CEP112: variants seen among roughly 807,000 people sequenced by gnomAD.
The protein encoded by CEP112 is centrosomal protein of 112 kDa.
Under a neutral mutation model 153.0 loss-of-function variants are expected in CEP112, and 127 were observed. That is an observed-to-expected ratio of 0.83 (90% CI 0.72 to 0.96). The LOEUF (loss-of-function observed/expected upper bound fraction) is 0.96. Among genes scored for constraint, CEP112 ranks in the 40% least tolerant of loss-of-function variants. The pLI, the probability that CEP112 is intolerant of heterozygous loss-of-function variation, is 0.00. For synonymous variants in CEP112, 358 were observed against 374.4 expected, an observed-to-expected ratio of 0.96 and a Z score of 0.51; for missense variants, 1,089 against 1,101.2, an observed-to-expected ratio of 0.99 and a Z score of 0.16.
rs191522555 is a variant in CEP112, at chr17:65,904,140, T to C, written c.1981-1806A>G. On this transcript the variant is annotated intron_variant, in intron 19 of 26. Coordinates refer to ENST00000535342, the MANE Select transcript of CEP112 (RefSeq NM_001199165.4). ...GAGAAACAAATAAAGGGTATTCAAA[T>C]AGAAAGAGAGAAAGTCAAATTGTCT... Among the ~76,000 whole-genome samples the C allele has an allele frequency of 4.1e-3, 623 of 152,282 alleles. 2 individuals are homozygous for C. The highest frequency in any genetic ancestry group is 0.01 in the South Asian group (49 of 4,822).
chr17:65,730,048 T>A (rs1598415970), intron 23 of CEP112, among the ~76,000 whole-genome samples: 1 of 152,244 alleles, frequency 6.6e-6, no homozygotes, highest in Non-Finnish European at 1.5e-5. Context: ...GTTCTTTTGA[T>A]CACACTCTTC....
chr17:65,876,134 G>T (rs570461129), intron 20 of CEP112, among the ~76,000 whole-genome samples: 1 of 152,238 alleles, frequency 6.6e-6, no homozygotes, highest in African/African-American at 2.4e-5. Context: ...TCACTGCACA[G>T]CTATACTGTG....
chr17:65,742,116 G>GTTC, intron 23 of CEP112, among the ~76,000 whole-genome samples: 1 of 151,810 alleles, frequency 6.6e-6, no homozygotes, highest in Admixed American at 6.6e-5. Context: ...AGCTTAAAGG[G>GTTC]AATATATAAA....
intron 16 of CEP112, among the ~76,000 whole-genome samples, chr17:66,026,239 C>A (rs1335479141): frequency 6.6e-6 from 1 of 151,902 alleles, no homozygotes; most frequent in African/African-American, 2.4e-5. Flanking sequence ...GTAATATATC[C>A]ATGTAAAAAA....
chr17:66,060,078 G>A (rs1257981438), intron 11 of CEP112, among the ~76,000 whole-genome samples: 1 of 152,066 alleles, frequency 6.6e-6, no homozygotes, highest in Admixed American at 6.6e-5. Context: ...TTACAAGTGG[G>A]AGCTAAACAT....
At chr17:65,964,869 T>C (rs2062352011) in intron 17 of CEP112, among the ~76,000 whole-genome samples, 1 of 152,218 alleles carries the variant, frequency 6.6e-6, no homozygotes, top group African/African-American at 2.4e-5. Flanking sequence ...AGGATTACCT[T>C]TGGTCAGTTT....
At chr17:65,749,269 G>A (rs1172394795) in intron 22 of CEP112, among the ~76,000 whole-genome samples, 1 of 152,246 alleles carries the variant, frequency 6.6e-6, no homozygotes, top group East Asian at 1.9e-4. Context: ...CATTTTGGGA[G>A]GATGAGGAGG....
chr17:65,826,501 A>G (rs2056846851), intron 21 of CEP112: 1 of 1,419,398 alleles, frequency 7.0e-7, no homozygotes, highest in Admixed American at 3.1e-5. Context: ...AGATAGTGAC[A>G]TCACAACCAC....
chr17:66,189,016 T>A (rs1214705418), intron 1 of CEP112, among the ~76,000 whole-genome samples: 1 of 152,180 alleles, frequency 6.6e-6, no homozygotes, highest in Non-Finnish European at 1.5e-5. Flanking sequence ...TAATTCTCAA[T>A]AAATCCTTTG....
chr17:65,685,544 T>C (rs1196516611), intron 24 of CEP112, among the ~76,000 whole-genome samples: 1 of 152,220 alleles, frequency 6.6e-6, no homozygotes. Context: ...TAGCTACTGT[T>C]ATTGAAGTTG....
At chr17:65,969,774 T>C (rs12941750) in intron 17 of CEP112, among the ~76,000 whole-genome samples, 62,825 of 151,986 alleles carry the variant, frequency 0.41, 14,359 homozygotes, top group East Asian at 0.87. Flanking sequence ...GTAAATCACA[T>C]AGATGCATAT....
intron 17 of CEP112, among the ~76,000 whole-genome samples, chr17:65,977,479 C>A (rs2063078014): frequency 6.6e-6 from 1 of 152,176 alleles, no homozygotes; most frequent in South Asian, 2.1e-4. Context: ...AGCTGTGTGA[C>A]TTAAGCTCTT....
At chr17:65,825,691 AAAATT>A (rs2056806470) in intron 21 of CEP112, among the ~76,000 whole-genome samples, 1 of 152,194 alleles carries the variant, frequency 6.6e-6, no homozygotes, top group Non-Finnish European at 1.5e-5. Context: ...ATCATAACTT[AAAATT>A]AATTAATTAA....
intron 19 of CEP112, among the ~76,000 whole-genome samples, chr17:65,920,362 AATAT>A (rs55934550): frequency 0.043 from 1,829 of 42,666 alleles, 58 homozygotes; most frequent in South Asian, 0.062. Flanking sequence ...AAACAAACAA[AATAT>A]ATATATATAT....
intron 23 of CEP112, among the ~76,000 whole-genome samples, chr17:65,714,892 T>C (rs1181932126): frequency 2.0e-5 from 3 of 151,920 alleles, no homozygotes; most frequent in Admixed American, 6.6e-5. Context: ...TGTTAGGCAG[T>C]GGGGAGCAGT....
At chr17:65,671,683 TTGTG>T (rs1467626093) in intron 24 of CEP112, among the ~76,000 whole-genome samples, 2 of 152,188 alleles carry the variant, frequency 1.3e-5, no homozygotes, top group African/African-American at 2.4e-5. Context: ...TTTATAGTAC[TTGTG>T]TGTGTATGTG....
intron 19 of CEP112, among the ~76,000 whole-genome samples, chr17:65,904,975 C>T (rs1376696692): frequency 2.0e-5 from 3 of 152,208 alleles, no homozygotes; most frequent in Middle Eastern, 3.4e-3. Context: ...AAGACTTAAA[C>T]GTAAGACCTA....
intron 8 of CEP112, among the ~76,000 whole-genome samples, chr17:66,095,591 T>C (rs757513704): frequency 6.6e-6 from 1 of 152,188 alleles, no homozygotes; most frequent in Non-Finnish European, 1.5e-5. Flanking sequence ...TAGAGATCTA[T>C]TGTACAGCAT....
At chr17:65,653,052 C>T (rs550957525) in intron 24 of CEP112, among the ~76,000 whole-genome samples, 1 of 152,284 alleles carries the variant, frequency 6.6e-6, no homozygotes, top group South Asian at 2.1e-4. Flanking sequence ...ACATTCATCT[C>T]ATTATGGGGG....
Sources: allele counts gnomAD v4.1 joint callset (sites outside exome capture counted in the v4.1 genomes callset), GRCh38; gene constraint gnomAD v4.1.1; transcripts MANE v1.5; gene names NCBI Gene and HGNC (gene_info 2026-07-23, HGNC 2026-07-21).